Variants in INAVA observed in about 807,000 individuals in gnomAD.
INAVA encodes innate immunity activator.
Under a neutral mutation model 55.3 loss-of-function variants are expected in INAVA, and 32 were observed. The observed-to-expected ratio is 0.58, with a 90% CI of 0.44 to 0.78. The LOEUF is 0.78. INAVA is among the 30% of genes least tolerant of loss of function. The pLI is 0.00. For synonymous variants in INAVA, 294 were observed against 329.4 expected, an observed-to-expected ratio of 0.89 and a Z score of 1.16; for missense variants, 756 against 786.4, an observed-to-expected ratio of 0.96 and a Z score of 0.46.
At chr1:200,907,799 A>G (rs1326257643) in intron 5 of INAVA, 35 bp from the exon 6 acceptor site, 1 of 1,589,222 alleles carries the variant, frequency 6.3e-7, no homozygotes, top group Non-Finnish European at 8.6e-7. Context: ...TCATTTCTTC[A>G]CTTCCTTCTC....
chr1:200,912,044 C>T lies in INAVA; in HGVS notation c.1551C>T (p.Arg517=), dbSNP rs296521. 6.5e-7 allele frequency: 1 copy of T among 1,544,280 alleles called. No individual in the cohort carries two copies. The highest frequency in any genetic ancestry group is 8.7e-7 in the Non-Finnish European group (1 of 1,145,746). ...AGCGTGCACGCCTCCGGAGCACCCG[C>T]CCCCACTCACTGGACCGCCAAGGAG... is the stretch of plus-strand genomic sequence containing the variant. ...WHERARLRST[R]PHSLDRQGAF... Residue 517 remains arginine (R), a synonymous_variant, in exon 9 of 10, where the codon CGC becomes CGT. Transcript: ENST00000413687.
At chr1:200,893,354 A>G (rs1668273599), upstream of INAVA, among the ~76,000 whole-genome samples, 2 of 152,220 alleles carry the variant, frequency 1.3e-5, no homozygotes, top group South Asian at 4.1e-4. Context: ...ATTTTATTTT[A>G]TGCTCAAGAA....
At position 200,901,044 on chromosome 1, in the gene INAVA, G is replaced by T; in HGVS notation, c.405G>T (p.Gln135His). The T allele has an allele frequency of 6.5e-7, 1 of 1,547,186 alleles. No homozygotes were observed. Reference protein sequence around the residue: ...EENLSRQARRQRKHSMLQEEK... With the variant: ...EENLSRQARRHRKHSMLQEEK... The stretch of plus-strand genomic sequence containing the variant: ...ACCTCAGCAGGCAGGCTCGGCGGCA[G>T]CGGAAGCACTCCATGCTGCAGGAGG... Residue 135 changes from glutamine to histidine, a missense_variant, in exon 5 of 10, where the codon CAG becomes CAT. Coordinates refer to ENST00000413687, the MANE Select transcript of INAVA (RefSeq NM_001142569.3).
intron 5 of INAVA, among the ~76,000 whole-genome samples, chr1:200,903,752 C>T (rs528011413): frequency 7.2e-6 from 1 of 138,160 alleles, no homozygotes; most frequent in East Asian, 2.2e-4. Flanking sequence ...TGCGGTGAGC[C>T]GAGATTGCAC....
intron 8 of INAVA, among the ~76,000 whole-genome samples, chr1:200,910,522 A>T (rs1246194513): frequency 6.6e-6 from 1 of 152,230 alleles, no homozygotes; most frequent in Admixed American, 6.5e-5. Context: ...CTGGTCAGGC[A>T]GCACTGAACT....
At chr1:200,901,246 C>T in intron 5 of INAVA, 87 bp downstream of exon 5, 1 of 1,282,450 alleles carries the variant, frequency 7.8e-7, no homozygotes, top group Non-Finnish European at 1.0e-6. Context: ...ACTGCCTTTG[C>T]ATTTGGCTCC....
chr1:200,899,378 T>C, intron 2 of INAVA, 95 bp from the exon 3 acceptor site: 1 of 1,494,884 alleles, frequency 6.7e-7, no homozygotes, highest in East Asian at 2.3e-5. Flanking sequence ...TGTGTGCATG[T>C]GTGTGCATGT....
chr1:200,893,039 T>C (rs1353083059), upstream of INAVA, among the ~76,000 whole-genome samples: 2 of 152,194 alleles, frequency 1.3e-5, no homozygotes, highest in East Asian at 1.9e-4. Flanking sequence ...GTAAACTAGG[T>C]GAGGCAAAAA....
In INAVA at chr1:200,908,775, C is replaced by T; in HGVS notation, c.620C>T (p.Pro207Leu). Reference sequence around the variant, plus strand: ...CCTCCTCCAGAGTCTCCAGCCCCACCTTCTCGGCCTCTCCCACCCCAAACC... The same window carrying T: ...CCTCCTCCAGAGTCTCCAGCCCCACTTTCTCGGCCTCTCCCACCCCAAACC... ...PKPPPESPAP[P>L]SRPLPPQTLE... is the part of the protein sequence containing the mutation. Residue 207 changes from proline (P) to leucine (L), a missense_variant, in exon 7 of 10, where the codon CCT (proline) becomes CTT (leucine). Transcript: ENST00000413687. The T allele has an allele frequency of 1.2e-6, 2 of 1,609,502 alleles. No homozygotes were observed. The highest frequency in any genetic ancestry group is 1.7e-5 in the Admixed American group (1 of 59,052).
intron 5 of INAVA, 136 bp downstream of exon 5, chr1:200,901,295 A>G (rs1653245410): frequency 2.4e-6 from 2 of 835,262 alleles, no homozygotes; most frequent in Non-Finnish European, 3.5e-6. Context: ...GCTCCACCCC[A>G]TCCTGATTCT....
intron 5 of INAVA, among the ~76,000 whole-genome samples, chr1:200,904,733 T>G (rs1653412295): frequency 6.6e-6 from 1 of 151,842 alleles, no homozygotes; most frequent in South Asian, 2.1e-4. Flanking sequence ...CTTTTTTTTT[T>G]TTTTTCCAAT....
chr1:200,898,522 T>C (rs1350141419), intron 2 of INAVA, 67 bp downstream of exon 2: 7 of 1,550,600 alleles, frequency 4.5e-6, no homozygotes, highest in Non-Finnish European at 6.2e-6. Flanking sequence ...TGGCCCTGAC[T>C]CCTGAGTCCT....
chr1:200,912,851 C>A (rs1346771481), intron 9 of INAVA, among the ~76,000 whole-genome samples: 1 of 152,118 alleles, frequency 6.6e-6, no homozygotes, highest in Non-Finnish European at 1.5e-5. Flanking sequence ...TCATCTGGGG[C>A]CACAGAGGCC....
intron 5 of INAVA, among the ~76,000 whole-genome samples, chr1:200,907,107 G>C (rs555617028): frequency 6.6e-6 from 1 of 152,128 alleles, no homozygotes; most frequent in African/African-American, 2.4e-5. Context: ...TTACAGGCAT[G>C]AACCACCGCG....
rs796620041 is a variant in INAVA at position 200,897,637 on chromosome 1, C to CT, written c.-94-660dup. Among the ~76,000 whole-genome samples, 261 of 149,364 alleles carry CT rather than the reference C, an allele frequency of 1.7e-3. 1 individual carries two copies. The highest frequency in any genetic ancestry group is 0.016 in the East Asian group (82 of 5,098). ...AAAGATGTCTTCCCCTTCCTCCTTTCTTTTTTTTTTGGAGACGGGGTCTCT... is the reference window on the plus strand; with the variant it reads ...AAAGATGTCTTCCCCTTCCTCCTTTCTTTTTTTTTTTGGAGACGGGGTCTCT... On this transcript the variant is annotated intron_variant, in intron 1 of 9. Coordinates refer to ENST00000413687, the MANE Select transcript of INAVA (RefSeq NM_001142569.3).
intron 1 of INAVA, 103 bp from the exon 2 acceptor site, chr1:200,898,204 G>T: frequency 7.8e-7 from 1 of 1,283,098 alleles, no homozygotes; most frequent in East Asian, 2.3e-5. Context: ...CTGAAGCACA[G>T]TCCTCCCTTC....
intron 5 of INAVA, 140 bp downstream of exon 5, chr1:200,901,299 T>C: frequency 3.7e-6 from 3 of 816,564 alleles, no homozygotes; most frequent in Non-Finnish European, 5.5e-6. Context: ...CACCCCATCC[T>C]GATTCTCTCC....
At position 200,913,614 on chromosome 1, in the gene INAVA, C is replaced by T. The variant is rs1425791189; in HGVS notation, c.1722C>T (p.Ile574=). 6.2e-7 allele frequency: 1 copy of T among 1,613,944 alleles called. No individual in the cohort carries two copies. Among genetic ancestry groups the T allele is most frequent in the Admixed American group, 1.7e-5 (1 of 60,020 alleles). ...TCTTTGTACCTGAAAAAGGAGAGAT[C>T]ATCAGCCAGGTGTAACTCTGCGCCC... ...VQVFVPEKGE[I]ISQV Residue 574 remains isoleucine, a synonymous_variant, in exon 10 of 10, where the codon ATC becomes ATT. Transcript: ENST00000413687.
chr1:200,908,644 C>T (rs955751190), intron 6 of INAVA, 86 bp from the exon 7 acceptor site: 20 of 1,155,556 alleles, frequency 1.7e-5, no homozygotes, highest in African/African-American at 6.3e-5. Context: ...GGGAGAGCGG[C>T]GAGGCATGGG....
Sources: gnomAD v4.1 joint callset for allele counts (sites outside exome capture counted in the v4.1 genomes callset) on GRCh38, gnomAD v4.1.1 for gene constraint, MANE v1.5 for transcripts, NCBI Gene and HGNC (gene_info 2026-07-23, HGNC 2026-07-21) for gene names.